IPP: variants seen among roughly 807,000 people sequenced by gnomAD.
IPP encodes intracisternal A particle-promoted polypeptide, also known as actin-binding protein IPP.
A neutral mutation model predicts 64.1 loss-of-function variants in IPP; 41 were observed. That is an observed-to-expected ratio of 0.64 (90% CI 0.50 to 0.83). The LOEUF is 0.83. IPP is among the 40% of genes least tolerant of loss of function. The pLI is 0.00. For synonymous variants in IPP, 214 were observed against 235.2 expected, an observed-to-expected ratio of 0.91 and a Z score of 0.83; for missense variants, 649 against 703.0, an observed-to-expected ratio of 0.92 and a Z score of 0.87.
At chr1:45,698,223 C>T (rs1645404032), downstream of IPP, among the ~76,000 whole-genome samples, 2 of 151,962 alleles carry the variant, frequency 1.3e-5, no homozygotes, top group African/African-American at 2.4e-5. Context: ...ATCCGGGAGG[C>T]GGAGGTTGCA....
intron 7 of IPP, among the ~76,000 whole-genome samples, chr1:45,715,562 A>G (rs1179741860): frequency 6.7e-6 from 1 of 148,780 alleles, no homozygotes; most frequent in Non-Finnish European, 1.5e-5. Context: ...AATGGTGTGA[A>G]CCCGGGAGGC....
intron 8 of IPP, among the ~76,000 whole-genome samples, chr1:45,704,819 A>C (rs1399055888): frequency 6.6e-6 from 1 of 152,214 alleles, no homozygotes; most frequent in Admixed American, 6.5e-5. Context: ...AAGAGGCGAA[A>C]GCAACTCTCT....
At chr1:45,744,971 G>T (rs1267899945) in intron 2 of IPP, among the ~76,000 whole-genome samples, 1 of 152,146 alleles carries the variant, frequency 6.6e-6, no homozygotes, top group African/African-American at 2.4e-5. Context: ...TGAGATGGTA[G>T]CACTACTTGA....
At chr1:45,712,821 G>A (rs1032782998) in intron 8 of IPP, among the ~76,000 whole-genome samples, 2 of 144,220 alleles carry the variant, frequency 1.4e-5, no homozygotes, top group Non-Finnish European at 3.0e-5. Flanking sequence ...TCACACCACT[G>A]TACTCCAGCC....
At chr1:45,746,582 A>T in intron 1 of IPP, 121 bp from the exon 2 acceptor site, 1 of 562,804 alleles carries the variant, frequency 1.8e-6, no homozygotes, top group East Asian at 2.9e-5. Flanking sequence ...AATAAGGACT[A>T]AAGTGTGGTA....
chr1:45,702,454 G>A (rs1048770831), intron 8 of IPP, among the ~76,000 whole-genome samples: 3 of 152,034 alleles, frequency 2.0e-5, no homozygotes, highest in Admixed American at 6.6e-5. Flanking sequence ...TGTTGTTGTT[G>A]TTATTATTAT....
In IPP at chr1:45,741,009, G is replaced by T. The variant is rs1646056416; in HGVS notation, c.616C>A (p.Gln206Lys). 2 of 1,613,714 alleles carry T rather than the reference G, an allele frequency of 1.2e-6. No homozygotes were observed. Among genetic ancestry groups the T allele is most frequent in the African/African-American group, 1.3e-5 (1 of 74,908 alleles). Residue 206 changes from glutamine to lysine, a missense_variant, in exon 3 of 9, where the codon CAA (glutamine) becomes AAA (lysine). Transcript: ENST00000396478. ...TTTCCCAAATCTTTCAGAATCCATT[G>T]CATTGCAGCTAAGAAGACCTGGTAT... ...DEYQVFLAAM[Q>K]WILKDLGKRR...
At chr1:45,738,863 A>C (rs1466766728) in intron 3 of IPP, among the ~76,000 whole-genome samples, 15 of 132,510 alleles carry the variant, frequency 1.1e-4, no homozygotes, top group African/African-American at 1.3e-4. Context: ...AAAAAAAAAA[A>C]AACAAGAAAA....
intron 2 of IPP, among the ~76,000 whole-genome samples, chr1:45,742,143 C>T (rs1346882559): frequency 1.3e-5 from 2 of 152,170 alleles, no homozygotes; most frequent in East Asian, 3.8e-4. Context: ...CATATGTTCT[C>T]ACTCATAAAT....
At chr1:45,694,384 C>G, downstream of IPP, 1 of 1,055,860 alleles carries the variant, frequency 9.5e-7, no homozygotes, top group East Asian at 2.6e-5. Flanking sequence ...TAGTTATCCA[C>G]TTAAACATTT....
chr1:45,702,022 A>G (rs1219388770), intron 8 of IPP, among the ~76,000 whole-genome samples: 2 of 152,216 alleles, frequency 1.3e-5, no homozygotes, highest in East Asian at 3.8e-4. Context: ...ACAACTGAAA[A>G]ATACTTACAT....
At chr1:45,707,599 T>C (rs1273251074) in intron 8 of IPP, among the ~76,000 whole-genome samples, 1 of 151,956 alleles carries the variant, frequency 6.6e-6, no homozygotes, top group Non-Finnish European at 1.5e-5. Flanking sequence ...GATTGGACAC[T>C]GCGAACTAGA....
rs1646054007 is a variant in IPP, at chr1:45,740,883, A to T, written c.724+18T>A. 6.8e-7 allele frequency: 1 copy of T among 1,463,016 alleles called. No homozygotes were observed. Among genetic ancestry groups the T allele is most frequent in the African/African-American group, 1.4e-5 (1 of 70,606 alleles). The allele number at this position is 1,463,016 out of a possible 1,614,324, so 90.6% of individuals were successfully genotyped here. On this transcript the variant is annotated intron_variant, in intron 3 of 8. Transcript: ENST00000396478. ...TGGATAATTAATCAACTAATTCGAT[A>T]TATAGCAAAAAAGTTACCTTCTATA... is the stretch of plus-strand genomic sequence containing the variant.
intron 8 of IPP, among the ~76,000 whole-genome samples, chr1:45,712,420 A>G (rs539034477): frequency 6.6e-6 from 1 of 152,294 alleles, no homozygotes; most frequent in Non-Finnish European, 1.5e-5. Flanking sequence ...AAGCAATACA[A>G]AATATGTTTT....
At position 45,714,528 on chromosome 1, in the gene IPP, G is replaced by A. The variant is rs560178384; in HGVS notation, c.1310-62C>T. 104 of 939,752 alleles carry A rather than the reference G, an allele frequency of 1.1e-4. No individual in the cohort carries two copies. The South Asian group carries it at 1.3e-3, about 12-fold the overall frequency. 58.2% of individuals were successfully genotyped at this position (939,752 alleles called of 1,614,324 possible). A position where few individuals can be genotyped will look rare whatever the true frequency, so the allele number is the denominator to read the frequency against. Reference sequence around the variant, plus strand: ...AGTGAGATACAAATAATGATGAAAAGTAATGATTGTGATCTATGTTTCCAA... The same window carrying A: ...AGTGAGATACAAATAATGATGAAAAATAATGATTGTGATCTATGTTTCCAA... On this transcript the variant is annotated intron_variant, in intron 7 of 8. Coordinates refer to ENST00000396478, the MANE Select transcript of IPP (RefSeq NM_005897.3).
At chr1:45,726,178 G>T (rs953893691) in intron 5 of IPP, among the ~76,000 whole-genome samples, 13 of 150,542 alleles carry the variant, frequency 8.6e-5, no homozygotes, top group Admixed American at 7.9e-4. Flanking sequence ...AAAAAAAATG[G>T]CCGGGCATGG....
intron 8 of IPP, among the ~76,000 whole-genome samples, chr1:45,707,288 T>A (rs1280669409): frequency 6.6e-6 from 1 of 151,430 alleles, no homozygotes; most frequent in East Asian, 1.9e-4. Context: ...CCAGGCGTGG[T>A]GGTGGGCGCC....
At chr1:45,740,390 T>A (rs1484553047) in intron 3 of IPP, among the ~76,000 whole-genome samples, 8 of 152,046 alleles carry the variant, frequency 5.3e-5, no homozygotes, top group African/African-American at 1.7e-4. Context: ...CACTTCCCAG[T>A]AGGGGCGGCC....
rs866986096 is a variant in IPP, at chr1:45,741,652, G to C, written c.293-320C>G. Among the ~76,000 whole-genome samples, 45 of 105,798 alleles carry C rather than the reference G, an allele frequency of 4.3e-4. 10 individuals carry two copies. The Middle Eastern group carries it at 0.082, about 193-fold the overall frequency. 69.4% of individuals were successfully genotyped at this position (105,798 alleles called of 152,430 possible). Reference sequence around the variant, plus strand: ...TTTTTTTTTTTTTTTTTTTTGAGACGGAGTCCCGCTCTTTAGCCCAGGCCG... The same window carrying C: ...TTTTTTTTTTTTTTTTTTTTGAGACCGAGTCCCGCTCTTTAGCCCAGGCCG... On this transcript the variant is annotated intron_variant, in intron 2 of 8. Coordinates refer to ENST00000396478, the MANE Select transcript of IPP (RefSeq NM_005897.3).
Sources: gnomAD v4.1 joint callset for allele counts (sites outside exome capture counted in the v4.1 genomes callset) on GRCh38, gnomAD v4.1.1 for gene constraint, MANE v1.5 for transcripts, NCBI Gene and HGNC (gene_info 2026-07-23, HGNC 2026-07-21) for gene names.